The following STK33 variants were observed in gnomAD, a reference collection of about 807,000 sequenced individuals.
STK33 encodes serine/threonine kinase 33.
A neutral mutation model predicts 58.0 loss-of-function variants in STK33; 52 were observed. The observed-to-expected ratio is 0.90, with a 90% CI of 0.72 to 1.13. STK33 has a LOEUF of 1.13. Ranked by LOEUF, STK33 falls within the 50% of genes most tolerant of loss-of-function variation. STK33 has a pLI of 0.00. For missense variants in STK33, 630 were observed against 604.2 expected (o/e 1.04, Z -0.45); for synonymous variants, 215 against 200.1 (o/e 1.07, Z -0.63).
chr11:8,372,615 TC>T, the STK33 span, among the ~76,000 whole-genome samples: 29 of 152,330 alleles, frequency 1.9e-4, no homozygotes, highest in Middle Eastern at 6.8e-3. Context: ...TCTTCATGCA[TC>T]CCACCGCATA....
chr11:8,540,988 C>A (rs1372724066), intron 1 of STK33, among the ~76,000 whole-genome samples: 83 of 138,226 alleles, frequency 6.0e-4, no homozygotes, highest in African/African-American at 1.2e-3. Flanking sequence ...CTCTCTCTCT[C>A]TCTCTCTATA....
At chr11:8,510,413 A>T (rs1329655253) in intron 1 of STK33, among the ~76,000 whole-genome samples, 1 of 152,032 alleles carries the variant, frequency 6.6e-6, no homozygotes. Context: ...CCTTTGTCAG[A>T]TATGTAGTTG....
intron 12 of STK33, among the ~76,000 whole-genome samples, chr11:8,437,439 T>C (rs1253323979): frequency 6.6e-6 from 1 of 152,214 alleles, no homozygotes; most frequent in Non-Finnish European, 1.5e-5. Flanking sequence ...ACCAGATTTG[T>C]CCAATGACAA....
intron 1 of STK33, among the ~76,000 whole-genome samples, chr11:8,591,223 G>C (rs929378307): frequency 7.9e-5 from 12 of 152,136 alleles, no homozygotes; most frequent in African/African-American, 2.9e-4. Context: ...GACACATGAA[G>C]AAGACACGAG....
At chr11:8,415,512 T>C (rs750298098) in intron 14 of STK33, among the ~76,000 whole-genome samples, 4 of 152,120 alleles carry the variant, frequency 2.6e-5, no homozygotes, top group Non-Finnish European at 5.9e-5. Flanking sequence ...AGCATAGAGA[T>C]GGAGTCTCCC....
chr11:8,594,057 A>T (rs896188619), intron 1 of STK33, 26 bp downstream of exon 1: 2 of 152,254 alleles, frequency 1.3e-5, no homozygotes, highest in African/African-American at 4.8e-5. Flanking sequence ...GCCCGCCCTG[A>T]GCCAGTGACT....
intron 1 of STK33, among the ~76,000 whole-genome samples, chr11:8,584,593 C>T (rs553055791): frequency 1.3e-5 from 2 of 152,152 alleles, no homozygotes; most frequent in South Asian, 2.1e-4. Context: ...TATGATAATG[C>T]CAACGTCAGC....
intron 1 of STK33, among the ~76,000 whole-genome samples, chr11:8,558,251 T>A (rs1321453033): frequency 1.3e-5 from 2 of 152,128 alleles, no homozygotes; most frequent in African/African-American, 4.8e-5. Context: ...AAGACCAGCA[T>A]AAATTTGTTC....
At chr11:8,361,626 A>G in the STK33 span, among the ~76,000 whole-genome samples, 1 of 152,104 alleles carries the variant, frequency 6.6e-6, no homozygotes, top group East Asian at 1.9e-4. The surrounding 1 kb of genome is among the most constrained non-coding windows in gnomAD (Gnocchi z 4.8). Flanking sequence ...TCTTATCCCT[A>G]TATCCAGGCT....
At chr11:8,380,665 C>T in the STK33 span, among the ~76,000 whole-genome samples, 3 of 152,088 alleles carry the variant, frequency 2.0e-5, no homozygotes, top group Admixed American at 6.5e-5. Context: ...TTAGTACGGC[C>T]CCTATGGAAA....
intron 15 of STK33, among the ~76,000 whole-genome samples, chr11:8,405,796 A>G (rs1939033250): frequency 6.6e-6 from 1 of 152,184 alleles, no homozygotes; most frequent in Non-Finnish European, 1.5e-5. Flanking sequence ...AGCATTATTT[A>G]TTAAAAAGAC....
rs1289582514 is a variant in STK33 at position 8,435,527 on chromosome 11, T to TTC, written c.1112_1113insGA (p.Ala372LysfsTer6). The TTC allele has an allele frequency of 4.1e-5, 63 of 1,522,312 alleles. No individual in the cohort carries two copies. The highest frequency in any genetic ancestry group is 5.6e-5 in the Non-Finnish European group (63 of 1,126,026). The allele number at this position is 1,522,312 out of a possible 1,614,324, so 94.3% of individuals were successfully genotyped here. A position where few individuals can be genotyped will look rare whatever the true frequency, so the allele number is the denominator to read the frequency against. Reference sequence around the variant, plus strand: ...ACTGGTTATCTAGTAGTTCCTTAGCTGTGATTCTGTGAGCAGGATCTACTT... The same window carrying TTC: ...ACTGGTTATCTAGTAGTTCCTTAGCTTCGTGATTCTGTGAGCAGGATCTACTT... On this transcript the variant is annotated frameshift_variant, in exon 14 of 16. Coordinates refer to ENST00000687296, the MANE Select transcript of STK33 (RefSeq NM_001352389.2). LOFTEE classifies it high-confidence loss of function.
At chr11:8,354,275 TC>T in the STK33 span, among the ~76,000 whole-genome samples, 1 of 151,848 alleles carries the variant, frequency 6.6e-6, no homozygotes, top group South Asian at 2.1e-4. Context: ...AATCCTCCCA[TC>T]CCTACCCCAC....
chr11:8,354,440 A>G, the STK33 span, among the ~76,000 whole-genome samples: 6 of 150,238 alleles, frequency 4.0e-5, no homozygotes, highest in Non-Finnish European at 5.9e-5. Context: ...ATTCCCTAGC[A>G]GATCAACATT....
At chr11:8,367,048 C>A in the STK33 span, among the ~76,000 whole-genome samples, 1 of 152,204 alleles carries the variant, frequency 6.6e-6, no homozygotes, top group African/African-American at 2.4e-5. Context: ...CATAGGTGTG[C>A]ATTCTATGTC....
intron 1 of STK33, among the ~76,000 whole-genome samples, chr11:8,569,237 T>G (rs1957643097): frequency 6.6e-6 from 1 of 152,226 alleles, no homozygotes; most frequent in East Asian, 1.9e-4. Flanking sequence ...CACACTACCT[T>G]GTTTTAAGAC....
intron 14 of STK33, among the ~76,000 whole-genome samples, chr11:8,419,521 C>T (rs1219325532): frequency 6.6e-6 from 1 of 152,126 alleles, no homozygotes; most frequent in East Asian, 1.9e-4. Flanking sequence ...AGCATGATGC[C>T]TCCAGCTTTG....
chr11:8,529,910 C>A (rs1414221862), intron 1 of STK33, among the ~76,000 whole-genome samples: 1 of 152,132 alleles, frequency 6.6e-6, no homozygotes, highest in African/African-American at 2.4e-5. Flanking sequence ...TTGTTTTAAG[C>A]CACTAAGTTT....
At chr11:8,403,618 T>C (rs567843974) in intron 15 of STK33, among the ~76,000 whole-genome samples, 1 of 152,354 alleles carries the variant, frequency 6.6e-6, no homozygotes, top group Non-Finnish European at 1.5e-5. Context: ...AGTTGAAGAA[T>C]AGTCAGTTCT....
Sources: allele counts gnomAD v4.1 joint callset (sites outside exome capture counted in the v4.1 genomes callset), GRCh38; gene constraint gnomAD v4.1.1; non-coding constraint Gnocchi (gnomAD v3.1); transcripts MANE v1.5; gene names NCBI Gene and HGNC (gene_info 2026-07-23, HGNC 2026-07-21).